The following LRRC7 variants were observed in gnomAD, a reference collection of about 807,000 sequenced individuals.
The protein encoded by LRRC7 is leucine-rich repeat-containing protein 7.
LRRC7 carries 23 observed loss-of-function variants against 175.7 expected under a neutral mutation model. That is an observed-to-expected ratio of 0.13 (90% CI 0.09 to 0.19). The LOEUF (loss-of-function observed/expected upper bound fraction) is 0.19. Ranked by LOEUF, LRRC7 falls within the 10% of genes least tolerant of loss-of-function variation. The pLI, the probability that LRRC7 is intolerant of heterozygous loss-of-function variation, is 1.00. For synonymous variants in LRRC7, 685 were observed against 680.9 expected, an observed-to-expected ratio of 1.01 and a Z score of -0.09; for missense variants, 1,354 against 1,904.7, an observed-to-expected ratio of 0.71 and a Z score of 5.38.
intron 1 of LRRC7, among the ~76,000 whole-genome samples, chr1:69,676,727 A>T (rs544704450): frequency 4.6e-5 from 7 of 152,108 alleles, no homozygotes; most frequent in Non-Finnish European, 8.8e-5. Flanking sequence ...TGATTCAGTC[A>T]TTAGTATGGA....
chr1:69,941,959 T>A lies in LRRC7; in HGVS notation c.711+10389T>A, dbSNP rs12562677. ...TTCATTGATATGCCTTGCAGAATTT[T>A]AGGACTGTTGTCAAATTTGGGAAAA... On this transcript the variant is annotated intron_variant, in intron 8 of 26. Transcript: ENST00000651989. Among the ~76,000 whole-genome samples, 9 of 152,252 alleles carry A rather than the reference T, an allele frequency of 5.9e-5. No homozygotes were observed. In the East Asian group the frequency reaches 1.7e-3, roughly 29 times the overall value.
rs532201586 is a variant in LRRC7 at position 69,838,039 on chromosome 1, T to C, written c.591-188T>C. Among the ~76,000 whole-genome samples, 23 of 151,814 alleles carry C rather than the reference T, an allele frequency of 1.5e-4. 2 individuals carry two copies. The highest frequency in any genetic ancestry group is 5.5e-4 in the African/African-American group (23 of 41,506). On this transcript the variant is annotated intron_variant, in intron 6 of 26. Coordinates refer to ENST00000651989, the MANE Select transcript of LRRC7 (RefSeq NM_001370785.2). The stretch of plus-strand genomic sequence containing the variant: ...AATGATCAAATTAGGGCAATTGGGG[T>C]ATCCATCACTTCAAGCTTTTATCAT...
intron 2 of LRRC7, among the ~76,000 whole-genome samples, chr1:69,719,889 C>CT (rs992789191): frequency 6.6e-6 from 1 of 151,520 alleles, no homozygotes; most frequent in African/African-American, 2.4e-5. Flanking sequence ...CTAATAATGC[C>CT]TTTTGCTTTA....
At chr1:70,043,650 G>C (rs959525234) in intron 21 of LRRC7, among the ~76,000 whole-genome samples, 3 of 152,146 alleles carry the variant, frequency 2.0e-5, no homozygotes, top group Non-Finnish European at 4.4e-5. Flanking sequence ...AATAATACTT[G>C]TCCAAAGTCA....
chr1:69,925,563 T>G (rs1647041649), intron 7 of LRRC7, among the ~76,000 whole-genome samples: 1 of 152,108 alleles, frequency 6.6e-6, no homozygotes, highest in Admixed American at 6.5e-5. Context: ...CTCCATTTCT[T>G]CTAGATTTTC....
At chr1:70,055,485 A>G (rs1661077268) in intron 23 of LRRC7, among the ~76,000 whole-genome samples, 1 of 152,192 alleles carries the variant, frequency 6.6e-6, no homozygotes, top group Non-Finnish European at 1.5e-5. Context: ...GTGGAAAGAT[A>G]TGCTGTATTA....
chr1:69,814,581 C>T (rs1678359270), intron 4 of LRRC7, among the ~76,000 whole-genome samples: 1 of 152,110 alleles, frequency 6.6e-6, no homozygotes, highest in East Asian at 1.9e-4. Context: ...AGATTAAATG[C>T]TCAGTTAAGT....
intron 7 of LRRC7, among the ~76,000 whole-genome samples, chr1:69,911,158 G>A (rs1270295294): frequency 1.3e-5 from 2 of 152,146 alleles, no homozygotes; most frequent in Non-Finnish European, 2.9e-5. Context: ...CCCAAGTGAG[G>A]CAATGCCTTG....
At chr1:69,802,625 A>G (rs1370482125) in intron 4 of LRRC7, among the ~76,000 whole-genome samples, 1 of 151,326 alleles carries the variant, frequency 6.6e-6, no homozygotes, top group Non-Finnish European at 1.5e-5. Flanking sequence ...CAGTAAGGTG[A>G]ATTTCTTATA....
Position 69,939,011 on chromosome 1 carries a change from ATATCTATATATATATATATC to A in LRRC7, c.711+7445_711+7464del, listed in dbSNP as rs1199745855. ...GGCTGTAGATTATATATATATATAT[ATATCTATATATATATATATC>A]TATATATATCTATATCTATCTCACA... On this transcript the variant is annotated intron_variant, in intron 8 of 26. Transcript: ENST00000651989. 1.8e-3 allele frequency among the ~76,000 whole-genome samples: 167 copies of A among 91,264 alleles called. 3 individuals carry two copies. The highest frequency in any genetic ancestry group is 4.2e-3 in the African/African-American group (107 of 25,444). 59.9% of individuals were successfully genotyped at this position (91,264 alleles called of 152,430 possible). A position where few individuals can be genotyped will look rare whatever the true frequency, so the allele number is the denominator to read the frequency against.
At chr1:70,095,445 C>T (rs1428995049) in intron 25 of LRRC7, among the ~76,000 whole-genome samples, 2 of 152,118 alleles carry the variant, frequency 1.3e-5, no homozygotes, top group African/African-American at 4.8e-5. Context: ...TTTCACCTTT[C>T]AGTTCATTGT....
At chr1:69,639,990 A>G (rs999363420) in intron 1 of LRRC7, among the ~76,000 whole-genome samples, 9 of 151,756 alleles carry the variant, frequency 5.9e-5, no homozygotes, top group African/African-American at 2.2e-4. Flanking sequence ...TTCTGTTGGC[A>G]TTAGGTGCAA....
At chr1:69,763,651 A>G (rs949608398) in intron 3 of LRRC7, among the ~76,000 whole-genome samples, 3 of 152,034 alleles carry the variant, frequency 2.0e-5, no homozygotes, top group Non-Finnish European at 4.4e-5. Context: ...CTATAAAGAA[A>G]CTGCTATAAA....
intron 3 of LRRC7, among the ~76,000 whole-genome samples, chr1:69,771,136 G>A (rs1672195057): frequency 1.3e-5 from 2 of 152,090 alleles, no homozygotes; most frequent in South Asian, 4.1e-4. Context: ...CTTTCCTAAA[G>A]CATCTTTTTT....
chr1:69,708,179 A>G (rs1424965984), intron 2 of LRRC7, among the ~76,000 whole-genome samples: 1 of 152,184 alleles, frequency 6.6e-6, no homozygotes, highest in Non-Finnish European at 1.5e-5. Flanking sequence ...CATAAAACCT[A>G]AGTAAAAACA....
At chr1:69,974,768 A>G (rs148900825) in intron 8 of LRRC7, among the ~76,000 whole-genome samples, 120 of 152,320 alleles carry the variant, frequency 7.9e-4, no homozygotes, top group African/African-American at 2.7e-3. Context: ...TCTGTAACAC[A>G]TTTTATTATA....
In LRRC7 at chr1:70,140,702, C is replaced by T. The variant is rs1667029213; in HGVS notation, c.*18815C>T. On this transcript the variant is annotated 3_prime_UTR_variant, in exon 27 of 27. Coordinates refer to ENST00000651989, the MANE Select transcript of LRRC7 (RefSeq NM_001370785.2). ...TTACTCTCTTGCATGCATTTTCCAC[C>T]TTATTCCCAAACCAGGCTTGAGAAA... 6.6e-6 allele frequency: 1 copy of T among 152,130 alleles called. No homozygotes were observed. Among genetic ancestry groups the T allele is most frequent in the African/African-American group, 2.4e-5 (1 of 41,434 alleles). The allele number at this position is 152,130 out of a possible 1,614,324, so 9.4% of individuals were successfully genotyped here.
At chr1:69,905,670 G>C (rs1186466797) in intron 7 of LRRC7, among the ~76,000 whole-genome samples, 1 of 152,100 alleles carries the variant, frequency 6.6e-6, no homozygotes, top group Admixed American at 6.5e-5. Flanking sequence ...TTGGACATTT[G>C]GGTTGGTTCC....
intron 24 of LRRC7, among the ~76,000 whole-genome samples, chr1:70,085,640 GT>G (rs944311522): frequency 3.3e-5 from 5 of 151,960 alleles, no homozygotes; most frequent in Non-Finnish European, 5.9e-5. Context: ...CTCAGAGAGG[GT>G]TTTTTTACCT....
Sources: gnomAD v4.1 joint callset for allele counts (sites outside exome capture counted in the v4.1 genomes callset) on GRCh38, gnomAD v4.1.1 for gene constraint, MANE v1.5 for transcripts, NCBI Gene and HGNC (gene_info 2026-07-23, HGNC 2026-07-21) for gene names.